MYO1E: variants seen among roughly 807,000 people sequenced by gnomAD.
MYO1E encodes unconventional myosin-Ie.
Under a neutral mutation model 151.1 loss-of-function variants are expected in MYO1E, and 68 were observed. That is an observed-to-expected ratio of 0.45 (90% CI 0.37 to 0.55). The LOEUF (loss-of-function observed/expected upper bound fraction) is 0.55. Ranked by LOEUF, MYO1E falls within the 20% of genes least tolerant of loss-of-function variation. The pLI is 0.00. For missense variants in MYO1E, 1,363 were observed against 1,389.3 expected, an observed-to-expected ratio of 0.98 and a Z score of 0.30; for synonymous variants, 601 against 501.7, an observed-to-expected ratio of 1.20 and a Z score of -2.64.
intron 1 of MYO1E, among the ~76,000 whole-genome samples, chr15:59,333,479 G>T (rs2140424320): frequency 6.6e-6 from 1 of 152,304 alleles, no homozygotes; most frequent in South Asian, 2.1e-4. Flanking sequence ...CTGGGCTCAA[G>T]CGATCCTCCT....
chr15:59,270,079 T>A (rs1237970778), intron 2 of MYO1E, among the ~76,000 whole-genome samples: 1 of 152,164 alleles, frequency 6.6e-6, no homozygotes, highest in Non-Finnish European at 1.5e-5. Context: ...TAAGATTTTG[T>A]CTGTCAGCCA....
chr15:59,282,796 C>T (rs111848079), intron 1 of MYO1E, among the ~76,000 whole-genome samples: 12 of 142,696 alleles, frequency 8.4e-5, no homozygotes, highest in East Asian at 4.2e-4. Flanking sequence ...TGCAGTGAGC[C>T]GTGACTGCGT....
rs1196723953 is a variant in MYO1E at position 59,207,365 on chromosome 15, T to G, written c.1530+1316A>C. On this transcript the variant is annotated intron_variant, in intron 14 of 27. Coordinates refer to ENST00000288235, the MANE Select transcript of MYO1E (RefSeq NM_004998.4). ...GTCACAGCAAACTCCAACCTAGTGA[T>G]TATCACAGCAGGTGCACGCCAAGAA... The G allele has an allele frequency of 1.9e-6, 3 of 1,614,070 alleles. No individual in the cohort carries two copies. The South Asian group carries it at 3.3e-5, about 18-fold the overall frequency.
intron 13 of MYO1E, among the ~76,000 whole-genome samples, chr15:59,210,050 T>C (rs28391034): frequency 0.098 from 14,826 of 151,812 alleles, 1,002 homozygotes; most frequent in African/African-American, 0.19. Flanking sequence ...ATTTTGTGTT[T>C]AGAAATAGGG....
At chr15:59,215,294 G>T (rs2079906389) in intron 10 of MYO1E, among the ~76,000 whole-genome samples, 1 of 152,188 alleles carries the variant, frequency 6.6e-6, no homozygotes, top group African/African-American at 2.4e-5. Context: ...GCCAGGGTTT[G>T]CTAAGTGCTC....
intron 22 of MYO1E, among the ~76,000 whole-genome samples, chr15:59,170,836 G>A (rs1484482858): frequency 6.6e-6 from 1 of 152,152 alleles, no homozygotes; most frequent in Non-Finnish European, 1.5e-5. Context: ...ACTGGAACTA[G>A]GATTTCCAGC....
At chr15:59,153,539 A>G in intron 26 of MYO1E, 51 bp downstream of exon 26, 1 of 1,578,402 alleles carries the variant, frequency 6.3e-7, no homozygotes, top group Non-Finnish European at 8.7e-7. Flanking sequence ...CTTGTTTTGA[A>G]TGATGGAGAT....
At chr15:59,139,366 A>C (rs1324621406) in intron 26 of MYO1E, among the ~76,000 whole-genome samples, 2 of 77,718 alleles carry the variant, frequency 2.6e-5, no homozygotes, top group African/African-American at 1.2e-4. Flanking sequence ...CTTACCTCCC[A>C]CCGCTCATTG....
In MYO1E at chr15:59,134,717, G is replaced by C. The variant is rs2079362454; in HGVS notation, c.*2663C>G. On this transcript the variant is annotated 3_prime_UTR_variant, in exon 28 of 28. Coordinates refer to ENST00000288235, the MANE Select transcript of MYO1E (RefSeq NM_004998.4). ...TATACACGTTGCTGTGTGTGCACATGAACACCCCTTATTTCAAACAGGATG... is the reference window on the plus strand; with the variant it reads ...TATACACGTTGCTGTGTGTGCACATCAACACCCCTTATTTCAAACAGGATG... 2 of 152,208 alleles carry C rather than the reference G, an allele frequency of 1.3e-5. No individual in the cohort carries two copies. Among genetic ancestry groups the C allele is most frequent in the Admixed American group, 6.5e-5 (1 of 15,284 alleles). The allele number at this position is 152,208 out of a possible 1,614,324, so 9.4% of individuals were successfully genotyped here.
At position 59,134,075 on chromosome 15, in the gene MYO1E, G is replaced by A. The variant is rs2079358487; in HGVS notation, c.*3305C>T. 1 of 152,294 alleles carries A rather than the reference G, an allele frequency of 6.6e-6. No individual in the cohort carries two copies. Among genetic ancestry groups the A allele is most frequent in the African/African-American group, 2.4e-5 (1 of 41,444 alleles). 9.4% of individuals were successfully genotyped at this position (152,294 alleles called of 1,614,324 possible). ...AGCTGCTGAGACAGCTCTGTGCAGA[G>A]ACCTCCAGCCCCCTTGAGTTGAGGC... On this transcript the variant is annotated 3_prime_UTR_variant, in exon 28 of 28. Transcript: ENST00000288235.
Position 59,247,886 on chromosome 15 carries a change from C to G in MYO1E, c.332+8398G>C, listed in dbSNP as rs925024729. ...CCTATAATCAGAGCACTTTGGGAGG[C>G]TGAGGCAGGCAGATCACTTGAGGTC... On this transcript the variant is annotated intron_variant, in intron 4 of 27. Transcript: ENST00000288235. 1.1e-4 allele frequency among the ~76,000 whole-genome samples: 17 copies of G among 152,266 alleles called. No individual in the cohort carries two copies. In the East Asian group the frequency reaches 1.7e-3, roughly 16 times the overall value.
chr15:59,258,813 C>A (rs1256585631), intron 3 of MYO1E, among the ~76,000 whole-genome samples: 2 of 151,466 alleles, frequency 1.3e-5, no homozygotes, highest in African/African-American at 4.9e-5. Flanking sequence ...GCCAAGATCA[C>A]AGCACTGCGC....
chr15:59,136,721 T>C lies in MYO1E; in HGVS notation c.*659A>G, dbSNP rs566637529. The C allele has an allele frequency of 3.8e-4, 173 of 456,486 alleles. 2 individuals carry two copies. The highest frequency in any genetic ancestry group is 1.1e-3 in the South Asian group (74 of 64,546). 28.3% of individuals were successfully genotyped at this position (456,486 alleles called of 1,614,324 possible). ...CCAATATGGGCCAGCCACATTCTAA[T>C]TGAAGACCCAGAGAAAGCAAAGCCA... On this transcript the variant is annotated 3_prime_UTR_variant, in exon 28 of 28. Coordinates refer to ENST00000288235, the MANE Select transcript of MYO1E (RefSeq NM_004998.4).
intron 4 of MYO1E, among the ~76,000 whole-genome samples, chr15:59,238,878 C>T (rs1371089526): frequency 2.0e-5 from 3 of 151,730 alleles, no homozygotes; most frequent in African/African-American, 7.3e-5. Context: ...GCTCTTTTTC[C>T]TTTTCATGTG....
At chr15:59,288,806 C>A (rs986921589) in intron 1 of MYO1E, among the ~76,000 whole-genome samples, 1 of 152,022 alleles carries the variant, frequency 6.6e-6, no homozygotes, top group African/African-American at 2.4e-5. Flanking sequence ...AATAGGGATC[C>A]GCCACAGAAA....
At chr15:59,274,833 T>G (rs1339302852) in intron 1 of MYO1E, among the ~76,000 whole-genome samples, 1 of 152,124 alleles carries the variant, frequency 6.6e-6, no homozygotes, top group Non-Finnish European at 1.5e-5. Context: ...AGAAAAGCAC[T>G]CACGGTAGAG....
chr15:59,309,465 T>G (rs1202644870), intron 1 of MYO1E, among the ~76,000 whole-genome samples: 1 of 152,230 alleles, frequency 6.6e-6, no homozygotes, highest in Non-Finnish European at 1.5e-5. Flanking sequence ...AACTGTTTAC[T>G]AAATGCTACT....
chr15:59,330,435 G>A (rs552712306), intron 1 of MYO1E, among the ~76,000 whole-genome samples: 41 of 152,192 alleles, frequency 2.7e-4, no homozygotes, highest in Non-Finnish European at 5.4e-4. Context: ...AATGTAAAAA[G>A]TGGCAGGCAA....
intron 1 of MYO1E, among the ~76,000 whole-genome samples, chr15:59,310,378 G>T (rs2080543527): frequency 6.6e-6 from 1 of 152,218 alleles, no homozygotes; most frequent in Non-Finnish European, 1.5e-5. Context: ...TTTGCGGATA[G>T]AATCAAGTTA....
Sources: allele counts gnomAD v4.1 joint callset (sites outside exome capture counted in the v4.1 genomes callset), GRCh38; gene constraint gnomAD v4.1.1; transcripts MANE v1.5; gene names NCBI Gene and HGNC (gene_info 2026-07-23, HGNC 2026-07-21).